ZNF804A: variants seen among roughly 807,000 people sequenced by gnomAD.
The protein encoded by ZNF804A is zinc finger protein 804A.
ZNF804A carries 2 observed loss-of-function variants against 16.5 expected under a neutral mutation model. The ratio of observed to expected loss-of-function variants is 0.12; its 90% confidence interval spans 0.05 to 0.38. ZNF804A has a LOEUF of 0.38. ZNF804A is among the 10% of genes least tolerant of loss of function. ZNF804A has a pLI of 0.99. For synonymous variants in ZNF804A, 534 were observed against 489.6 expected, an observed-to-expected ratio of 1.09 and a Z score of -1.20; for missense variants, 1,473 against 1,390.7, an observed-to-expected ratio of 1.06 and a Z score of -0.94.
At chr2:184,921,727 C>G (rs1192161103) in intron 2 of ZNF804A, among the ~76,000 whole-genome samples, 1 of 152,072 alleles carries the variant, frequency 6.6e-6, no homozygotes, top group Admixed American at 6.6e-5. Context: ...GTTACTTATT[C>G]TAACCGTACT....
chr2:184,662,062 A>T (rs1692183431), intron 1 of ZNF804A, among the ~76,000 whole-genome samples: 1 of 152,220 alleles, frequency 6.6e-6, no homozygotes, highest in African/African-American at 2.4e-5. Context: ...TTCTTTAATA[A>T]ACACTTTTTA....
chr2:184,750,232 A>G (rs1693859090), intron 1 of ZNF804A, among the ~76,000 whole-genome samples: 1 of 151,412 alleles, frequency 6.6e-6, no homozygotes, highest in African/African-American at 2.4e-5. Flanking sequence ...GATAATGTCA[A>G]TGAAAATGAT....
At chr2:184,776,558 T>A (rs537918702) in intron 1 of ZNF804A, among the ~76,000 whole-genome samples, 1 of 151,586 alleles carries the variant, frequency 6.6e-6, no homozygotes, top group South Asian at 2.1e-4. Flanking sequence ...AGAATAATTA[T>A]TCATACCTTT....
chr2:184,844,677 T>TCC (rs1695487697), intron 1 of ZNF804A, among the ~76,000 whole-genome samples: 1 of 152,010 alleles, frequency 6.6e-6, no homozygotes, highest in Admixed American at 6.6e-5. Context: ...TCTGATATGC[T>TCC]TATGTGTTTG....
intron 1 of ZNF804A, among the ~76,000 whole-genome samples, chr2:184,824,346 A>T (rs929141164): frequency 6.6e-6 from 1 of 152,176 alleles, no homozygotes; most frequent in Non-Finnish European, 1.5e-5. Flanking sequence ...TATTTAAAGT[A>T]CATATCTTTG....
intron 1 of ZNF804A, among the ~76,000 whole-genome samples, chr2:184,804,268 A>G (rs1349578986): frequency 6.6e-6 from 1 of 152,160 alleles, no homozygotes; most frequent in Non-Finnish European, 1.5e-5. Flanking sequence ...ATGCACAAAG[A>G]CTTTTTTGCC....
At chr2:184,640,905 T>A (rs895488926) in intron 1 of ZNF804A, among the ~76,000 whole-genome samples, 13 of 152,178 alleles carry the variant, frequency 8.5e-5, no homozygotes, top group African/African-American at 2.9e-4. Flanking sequence ...TTTCTAAGTT[T>A]GAGAATAAGG....
chr2:184,628,959 T>G (rs892138343), intron 1 of ZNF804A, among the ~76,000 whole-genome samples: 4 of 152,142 alleles, frequency 2.6e-5, no homozygotes, highest in Non-Finnish European at 1.5e-5. Flanking sequence ...AAAATTGGAG[T>G]CTTGTTAGGA....
At chr2:184,811,590 A>G (rs968049233) in intron 1 of ZNF804A, among the ~76,000 whole-genome samples, 12 of 152,162 alleles carry the variant, frequency 7.9e-5, no homozygotes, top group African/African-American at 2.9e-4. Context: ...TTGCACACCT[A>G]CAGTTCTAGC....
At chr2:184,668,192 G>A (rs1223956772) in intron 1 of ZNF804A, among the ~76,000 whole-genome samples, 1 of 151,766 alleles carries the variant, frequency 6.6e-6, no homozygotes, top group Non-Finnish European at 1.5e-5. Flanking sequence ...TATATTTATA[G>A]CATACAATGT....
intron 2 of ZNF804A, among the ~76,000 whole-genome samples, chr2:184,895,499 A>G (rs1685050536): frequency 6.6e-6 from 1 of 152,268 alleles, no homozygotes; most frequent in South Asian, 2.1e-4. Context: ...TCTGGCAACT[A>G]GGTGCTCATT....
intron 1 of ZNF804A, among the ~76,000 whole-genome samples, chr2:184,726,497 A>G (rs929383712): frequency 6.6e-6 from 1 of 151,676 alleles, no homozygotes; most frequent in African/African-American, 2.4e-5. Context: ...GTCGAAATTC[A>G]GAGAGAAAAA....
intron 1 of ZNF804A, among the ~76,000 whole-genome samples, chr2:184,739,796 A>G (rs757773886): frequency 2.0e-5 from 3 of 152,178 alleles, no homozygotes; most frequent in Non-Finnish European, 4.4e-5. Flanking sequence ...CCTGCTCTTC[A>G]GATCTTACAT....
chr2:184,599,259 T>C (rs1448507640), intron 1 of ZNF804A, among the ~76,000 whole-genome samples, 189 bp downstream of exon 1: 1 of 152,196 alleles, frequency 6.6e-6, no homozygotes, highest in South Asian at 2.1e-4. Context: ...ATGGCTTTGG[T>C]TGACACTTCC....
intron 1 of ZNF804A, among the ~76,000 whole-genome samples, chr2:184,804,259 T>C (rs1694768274): frequency 6.6e-6 from 1 of 152,200 alleles, no homozygotes. Flanking sequence ...CTTCATTGCA[T>C]GCACAAAGAC....
chr2:184,835,664 G>GAAAAA (rs112941339), intron 1 of ZNF804A, among the ~76,000 whole-genome samples: 99 of 137,566 alleles, frequency 7.2e-4, no homozygotes, highest in Middle Eastern at 7.4e-3. Context: ...AGGAAGGCAT[G>GAAAAA]AAAAAAAAAA....
chr2:184,833,725 C>A (rs561352028), intron 1 of ZNF804A, among the ~76,000 whole-genome samples: 1 of 152,000 alleles, frequency 6.6e-6, no homozygotes, highest in Non-Finnish European at 1.5e-5. Context: ...ATTCTCAAAA[C>A]ATTATATCAG....
chr2:184,912,040 A>C (rs1685367376), intron 2 of ZNF804A, among the ~76,000 whole-genome samples: 1 of 152,004 alleles, frequency 6.6e-6, no homozygotes, highest in Non-Finnish European at 1.5e-5. Context: ...CACCATAATA[A>C]AGTGAACAAA....
At chr2:184,894,252 C>G (rs1685031686) in intron 2 of ZNF804A, among the ~76,000 whole-genome samples, 1 of 152,162 alleles carries the variant, frequency 6.6e-6, no homozygotes, top group East Asian at 1.9e-4. Flanking sequence ...GGTATGCCAA[C>G]CCACATGCCA....
Sources: allele counts gnomAD v4.1 joint callset (sites outside exome capture counted in the v4.1 genomes callset), GRCh38; gene constraint gnomAD v4.1.1; transcripts MANE v1.5; gene names NCBI Gene and HGNC (gene_info 2026-07-23, HGNC 2026-07-21).